OPHN1: variants seen among roughly 807,000 people sequenced by gnomAD.
OPHN1 encodes the protein oligophrenin-1.
A neutral mutation model predicts 60.7 loss-of-function variants in OPHN1; 11 were observed. The observed-to-expected ratio is 0.18, with a 90% CI of 0.11 to 0.30. The LOEUF (loss-of-function observed/expected upper bound fraction) is 0.30, where lower values mean the gene tolerates loss of function less well. OPHN1 is among the 10% of genes least tolerant of loss of function. The probability of loss-of-function intolerance (pLI) is 1.00; values close to 1 mark genes in which losing one functional copy is unlikely to be tolerated. For missense variants in OPHN1, 449 were observed against 611.0 expected, an observed-to-expected ratio of 0.73 and a Z score of 2.80; for synonymous variants, 226 against 222.6, an observed-to-expected ratio of 1.02 and a Z score of -0.14.
chrX:68,263,884 T>C (rs2077907522), intron 5 of OPHN1, among the ~76,000 whole-genome samples: 2 of 112,272 alleles, frequency 1.8e-5, no homozygotes, highest in African/African-American at 6.5e-5. Context: ...AATGTTAATA[T>C]TTTCTATTTT....
intron 6 of OPHN1, among the ~76,000 whole-genome samples, chrX:68,231,299 G>A (rs1017579180): frequency 2.7e-5 from 3 of 111,793 alleles, no homozygotes; most frequent in Admixed American, 9.5e-5. Context: ...ATGGTACAAC[G>A]CAGAATAGTG....
Position 68,396,692 on chromosome X carries a change from G to A in OPHN1, c.154+36175C>T, listed in dbSNP as rs781112403. ...TAGCCGGGCATGGTGGTACGTGCCT[G>A]TAATCCCAGCTACCCGGGAGGCTGA... On this transcript the variant is annotated intron_variant, in intron 2 of 24. Coordinates refer to ENST00000355520, the MANE Select transcript of OPHN1 (RefSeq NM_002547.3). Among the ~76,000 whole-genome samples, 6 of 110,715 alleles carry A rather than the reference G, an allele frequency of 5.4e-5. No individual in the cohort carries two copies. The South Asian group carries it at 2.3e-3, about 43-fold the overall frequency.
intron 6 of OPHN1, among the ~76,000 whole-genome samples, chrX:68,218,570 C>T (rs1218036759): frequency 9.0e-6 from 1 of 110,787 alleles, no homozygotes; most frequent in Non-Finnish European, 1.9e-5. Context: ...ATCAGACTAA[C>T]AGCGGATCTT....
At chrX:68,343,910 T>G (rs973421011) in intron 2 of OPHN1, among the ~76,000 whole-genome samples, 1 of 111,922 alleles carries the variant, frequency 8.9e-6, no homozygotes, top group African/African-American at 3.2e-5. Context: ...CTGATCTCTC[T>G]CACTTTTTCA....
At chrX:68,084,637 T>A (rs985116512) in intron 19 of OPHN1, among the ~76,000 whole-genome samples, 1 of 111,174 alleles carries the variant, frequency 9.0e-6, no homozygotes, top group African/African-American at 3.3e-5. Context: ...TCACAGGTTG[T>A]TCTTCTTCAA....
chrX:68,324,355 C>T (rs1021601127), intron 2 of OPHN1, among the ~76,000 whole-genome samples: 5 of 109,186 alleles, frequency 4.6e-5, no homozygotes, highest in African/African-American at 1.7e-4. Context: ...TTAATCCCAG[C>T]AACTTGGGAG....
intron 2 of OPHN1, among the ~76,000 whole-genome samples, chrX:68,328,393 G>T (rs1195264180): frequency 1.8e-5 from 2 of 112,550 alleles, no homozygotes; most frequent in African/African-American, 6.4e-5. Context: ...CTCCCGAAGT[G>T]CTGGGACTGC....
chrX:68,161,941 G>A (rs1427258998), intron 15 of OPHN1, among the ~76,000 whole-genome samples: 1 of 111,207 alleles, frequency 9.0e-6, no homozygotes, highest in African/African-American at 3.3e-5. Context: ...GAATCTCTAG[G>A]TGATAATGTT....
Position 68,217,086 on chromosome X carries a change from C to T in OPHN1, c.487-3114G>A, listed in dbSNP as rs148659286. Among the ~76,000 whole-genome samples, 584 of 111,590 alleles carry T rather than the reference C, an allele frequency of 5.2e-3. 3 individuals carry two copies. Among genetic ancestry groups the T allele is most frequent in the Non-Finnish European group, 9.1e-3 (483 of 52,971 alleles). ...GTGGGTGCGCGCACCGTGCGCGAGC[C>T]GAAGCAGGGCGAGACATTGCCTCAC... On this transcript the variant is annotated intron_variant, in intron 6 of 24. Transcript: ENST00000355520.
intron 15 of OPHN1, among the ~76,000 whole-genome samples, chrX:68,190,495 G>A (rs2147452237): frequency 8.9e-6 from 1 of 111,860 alleles, no homozygotes; most frequent in Non-Finnish European, 1.9e-5. Flanking sequence ...AGAACTTCCT[G>A]GTCTATATTT....
chrX:68,217,244 G>A (rs1054904716), intron 6 of OPHN1, among the ~76,000 whole-genome samples: 12 of 112,155 alleles, frequency 1.1e-4, no homozygotes, highest in Non-Finnish European at 9.4e-5. Context: ...GGAGCACCAC[G>A]AGATTATATC....
At chrX:68,359,295 A>G (rs2078458363) in intron 2 of OPHN1, among the ~76,000 whole-genome samples, 1 of 111,725 alleles carries the variant, frequency 9.0e-6, no homozygotes, top group Admixed American at 9.6e-5. Context: ...TAAATTATTT[A>G]CAATAACTAC....
At chrX:68,175,989 C>T (rs1196485698) in intron 15 of OPHN1, among the ~76,000 whole-genome samples, 3 of 111,883 alleles carry the variant, frequency 2.7e-5, no homozygotes, top group Non-Finnish European at 5.6e-5. Flanking sequence ...GTCTTTGAAA[C>T]AAATGATGCT....
intron 20 of OPHN1, among the ~76,000 whole-genome samples, chrX:68,066,151 C>G (rs1201582469): frequency 3.6e-5 from 4 of 112,551 alleles, no homozygotes; most frequent in Non-Finnish European, 5.6e-5. Context: ...CATCTTTAAA[C>G]ACAGCACTCA....
At chrX:68,171,929 C>T (rs1042243815) in intron 15 of OPHN1, among the ~76,000 whole-genome samples, 2 of 110,829 alleles carry the variant, frequency 1.8e-5, no homozygotes, top group African/African-American at 6.6e-5. Flanking sequence ...TTCAGACCCT[C>T]GTAAATAGCT....
intron 6 of OPHN1, among the ~76,000 whole-genome samples, chrX:68,233,754 T>C (rs1271483887): frequency 4.5e-5 from 5 of 111,769 alleles, no homozygotes; most frequent in African/African-American, 1.6e-4. Context: ...CCACGTCAAA[T>C]TGGAAGGGCA....
At chrX:68,091,593 G>A (rs1242301846) in intron 19 of OPHN1, among the ~76,000 whole-genome samples, 2 of 111,061 alleles carry the variant, frequency 1.8e-5, no homozygotes, top group Non-Finnish European at 3.8e-5. Flanking sequence ...GGACCTGAAG[G>A]TCTTTAGGGC....
chrX:68,297,231 C>T (rs2078099897), intron 3 of OPHN1, among the ~76,000 whole-genome samples: 1 of 111,753 alleles, frequency 8.9e-6, no homozygotes, highest in African/African-American at 3.2e-5. Context: ...AAATACCTAA[C>T]ATTCATTTAG....
intron 5 of OPHN1, among the ~76,000 whole-genome samples, chrX:68,250,776 T>C (rs1416207298): frequency 8.9e-6 from 1 of 112,056 alleles, no homozygotes; most frequent in Admixed American, 9.5e-5. Context: ...ATGAGCATGA[T>C]ATGAATGTCT....
Sources: allele counts gnomAD v4.1 joint callset (sites outside exome capture counted in the v4.1 genomes callset), GRCh38; gene constraint gnomAD v4.1.1; transcripts MANE v1.5; gene names NCBI Gene and HGNC (gene_info 2026-07-23, HGNC 2026-07-21).